Variants in TGFA observed in about 807,000 individuals in gnomAD.
TGFA encodes protransforming growth factor alpha.
A neutral mutation model predicts 21.7 loss-of-function variants in TGFA; 12 were observed. The ratio of observed to expected loss-of-function variants is 0.55; its 90% CI spans 0.35 to 0.90. The LOEUF is 0.90. TGFA is among the 40% of genes least tolerant of loss of function. The pLI, the probability that TGFA is intolerant of heterozygous loss-of-function variation, is 0.01. For missense variants in TGFA, 178 were observed against 210.8 expected (o/e 0.84, Z 0.96); for synonymous variants, 79 against 88.1 (o/e 0.90, Z 0.58).
At chr2:70,545,909 G>C (rs1294162181) in intron 1 of TGFA, among the ~76,000 whole-genome samples, 1 of 152,094 alleles carries the variant, frequency 6.6e-6, no homozygotes, top group Non-Finnish European at 1.5e-5. Flanking sequence ...CCAAGAAAAG[G>C]ATGATCAATC....
intron 1 of TGFA, among the ~76,000 whole-genome samples, chr2:70,526,978 T>G (rs1216948769): frequency 6.6e-6 from 1 of 152,246 alleles, no homozygotes; most frequent in Non-Finnish European, 1.5e-5. Context: ...CTCATCTAAA[T>G]GAAAGTGGTT....
At chr2:70,462,958 G>C (rs1249148424) in intron 3 of TGFA, among the ~76,000 whole-genome samples, 1 of 152,122 alleles carries the variant, frequency 6.6e-6, no homozygotes, top group African/African-American at 2.4e-5. Context: ...CCTTTCTCAG[G>C]AGGAGGGTTA....
chr2:70,459,705 A>G (rs1340940988), intron 3 of TGFA, among the ~76,000 whole-genome samples: 1 of 152,224 alleles, frequency 6.6e-6, no homozygotes, highest in African/African-American at 2.4e-5. Flanking sequence ...TTTGCCATTC[A>G]TGCATGCTGG....
intron 1 of TGFA, among the ~76,000 whole-genome samples, chr2:70,540,969 A>G (rs782045818): frequency 2.0e-5 from 3 of 152,220 alleles, no homozygotes; most frequent in Non-Finnish European, 4.4e-5. Flanking sequence ...AGAATTAGCA[A>G]AGTCTAGAGA....
At chr2:70,495,718 A>T (rs1418923712) in intron 2 of TGFA, among the ~76,000 whole-genome samples, 1 of 152,036 alleles carries the variant, frequency 6.6e-6, no homozygotes, top group African/African-American at 2.4e-5. Flanking sequence ...TATTTGAGGG[A>T]GATTCTTTTA....
At chr2:70,552,105 A>T (rs1673528660) in intron 1 of TGFA, among the ~76,000 whole-genome samples, 2 of 152,220 alleles carry the variant, frequency 1.3e-5, no homozygotes, top group South Asian at 4.1e-4. Flanking sequence ...ATGGGACTAT[A>T]ATGACCACAA....
At chr2:70,492,276 G>A (rs1453354899) in intron 2 of TGFA, among the ~76,000 whole-genome samples, 3 of 152,106 alleles carry the variant, frequency 2.0e-5, no homozygotes, top group Non-Finnish European at 4.4e-5. Flanking sequence ...ACTTGAATGC[G>A]CCATTTCCTT....
At chr2:70,528,965 C>T (rs782063867) in intron 1 of TGFA, among the ~76,000 whole-genome samples, 1 of 152,140 alleles carries the variant, frequency 6.6e-6, no homozygotes, top group Non-Finnish European at 1.5e-5. Flanking sequence ...CTGGGTGGGA[C>T]GAGGGGGGCT....
At chr2:70,485,671 G>A (rs1057247300) in intron 2 of TGFA, among the ~76,000 whole-genome samples, 1 of 151,966 alleles carries the variant, frequency 6.6e-6, no homozygotes, top group South Asian at 2.1e-4. Flanking sequence ...TTCCCTCCCT[G>A]CAATTTCAGC....
intron 3 of TGFA, among the ~76,000 whole-genome samples, chr2:70,459,879 C>T (rs1670358854): frequency 6.6e-6 from 1 of 152,202 alleles, no homozygotes; most frequent in African/African-American, 2.4e-5. Context: ...TCTGAGCGAA[C>T]ACTTCCCCAA....
intron 2 of TGFA, among the ~76,000 whole-genome samples, chr2:70,511,921 AC>A (rs1553500978): frequency 2.0e-5 from 3 of 149,600 alleles, no homozygotes; most frequent in Non-Finnish European, 2.9e-5. Context: ...ACACACACAC[AC>A]ACACACACTT....
intron 1 of TGFA, among the ~76,000 whole-genome samples, chr2:70,530,206 C>G (rs902605547): frequency 6.6e-6 from 1 of 152,228 alleles, no homozygotes; most frequent in Admixed American, 6.5e-5. Context: ...AGGCTCAACT[C>G]CTGTGAGAGT....
chr2:70,501,988 G>C (rs1199840236), intron 2 of TGFA, among the ~76,000 whole-genome samples: 1 of 152,246 alleles, frequency 6.6e-6, no homozygotes, highest in East Asian at 1.9e-4. Flanking sequence ...TCACCTCTGT[G>C]CTTGTGTGGC....
At chr2:70,451,083 A>AAGTG (rs146183100) in intron 5 of TGFA, among the ~76,000 whole-genome samples, 13 of 152,100 alleles carry the variant, frequency 8.5e-5, no homozygotes, top group East Asian at 3.9e-4. Flanking sequence ...GACTGATTGA[A>AAGTG]AGTGAGTGAG....
chr2:70,464,005 G>A (rs1186045250), intron 3 of TGFA, among the ~76,000 whole-genome samples: 1 of 152,238 alleles, frequency 6.6e-6, no homozygotes, highest in Non-Finnish European at 1.5e-5. Context: ...GTTCCGAGGA[G>A]GAGGGTGGCC....
intron 1 of TGFA, among the ~76,000 whole-genome samples, chr2:70,545,758 A>T (rs992537541): frequency 1.3e-5 from 2 of 152,200 alleles, no homozygotes; most frequent in Non-Finnish European, 2.9e-5. Context: ...AGTTTCTGCT[A>T]CATAAAAATA....
intron 2 of TGFA, among the ~76,000 whole-genome samples, chr2:70,470,506 G>C (rs140856628): frequency 6.6e-6 from 1 of 152,186 alleles, no homozygotes; most frequent in African/African-American, 2.4e-5. Context: ...CTTCTTCTGC[G>C]GGTGTTTTTG....
chr2:70,511,648 G>C (rs1672103090), intron 2 of TGFA, among the ~76,000 whole-genome samples: 1 of 152,134 alleles, frequency 6.6e-6, no homozygotes, highest in African/African-American at 2.4e-5. Flanking sequence ...GTTTTAAAAG[G>C]CTTTATCTGT....
chr2:70,504,317 G>A (rs1241082297), intron 2 of TGFA, among the ~76,000 whole-genome samples: 1 of 151,230 alleles, frequency 6.6e-6, no homozygotes, highest in Non-Finnish European at 1.5e-5. Context: ...GGCTGAGTTG[G>A]GAGGATTACT....
Sources: gnomAD v4.1 joint callset for allele counts (sites outside exome capture counted in the v4.1 genomes callset) on GRCh38, gnomAD v4.1.1 for gene constraint, MANE v1.5 for transcripts, NCBI Gene and HGNC (gene_info 2026-07-23, HGNC 2026-07-21) for gene names.